DLC1: variants seen among roughly 807,000 people sequenced by gnomAD.
DLC1 encodes DLC1 Rho GTPase activating protein, also known as rho GTPase-activating protein 7.
Under a neutral mutation model 140.3 loss-of-function variants are expected in DLC1, and 54 were observed. The ratio of observed to expected loss-of-function variants is 0.38; its 90% CI spans 0.31 to 0.48. The LOEUF (loss-of-function observed/expected upper bound fraction) is 0.48. Ranked by LOEUF, DLC1 falls within the 20% of genes least tolerant of loss-of-function variation. The pLI is 0.96. For synonymous variants in DLC1, 986 were observed against 728.1 expected (o/e 1.35, Z -5.70); for missense variants, 2,536 against 1,907.0 (o/e 1.33, Z -6.14).
chr8:13,599,433 G>T (rs1033178160), intron 1 of DLC1, among the ~76,000 whole-genome samples: 1 of 151,920 alleles, frequency 6.6e-6, no homozygotes, highest in Middle Eastern at 3.2e-3. Flanking sequence ...AGGATGTTAG[G>T]ATGAAGTGGT....
chr8:13,515,665 C>T (rs1198131750), upstream of DLC1: 1 of 152,192 alleles, frequency 6.6e-6, no homozygotes, highest in Non-Finnish European at 1.5e-5. Context: ...ATCTGTTTAT[C>T]TTTTCTGCTT....
At chr8:13,141,185 G>A (rs1190247737) in intron 5 of DLC1, among the ~76,000 whole-genome samples, 1 of 147,338 alleles carries the variant, frequency 6.8e-6, no homozygotes, top group Non-Finnish European at 1.5e-5. Context: ...AATCTGGGAG[G>A]TGGAGTTTGC....
intron 5 of DLC1, among the ~76,000 whole-genome samples, chr8:13,184,698 G>C (rs1185927079): frequency 6.6e-6 from 1 of 152,168 alleles, no homozygotes; most frequent in African/African-American, 2.4e-5. Flanking sequence ...TACATTTGCT[G>C]AGGAGTGCTT....
intron 5 of DLC1, among the ~76,000 whole-genome samples, chr8:13,297,053 A>C (rs554049322): frequency 6.6e-6 from 1 of 151,966 alleles, no homozygotes; most frequent in South Asian, 2.1e-4. Flanking sequence ...GTATTTTAAA[A>C]ATCCTGTGAG....
chr8:13,361,135 G>T (rs1435204551), intron 4 of DLC1, among the ~76,000 whole-genome samples: 1 of 152,016 alleles, frequency 6.6e-6, no homozygotes, highest in East Asian at 1.9e-4. Context: ...AGGAGGTTGA[G>T]GTAGGAGGAT....
Position 13,500,009 on chromosome 8 carries a change from A to G in DLC1, c.63T>C (p.Pro21=), listed in dbSNP as rs541740684. The change falls in exon 2 of 18, where the codon CCT becomes CCC. Residue 21 remains proline, a synonymous_variant. Coordinates refer to ENST00000276297, the MANE Select transcript of DLC1 (RefSeq NM_182643.3). ...CTGTGTTACGATCATCAGAATTAAA[A>G]GGCTGTCCCATCCAGTGGGTCACAT... ...EEHVTHWMGQ[P]FNSDDRNTAC... is the part of the protein sequence containing the mutation. 1.2e-6 allele frequency: 2 copies of G among 1,614,134 alleles called. No individual in the cohort carries two copies. Among genetic ancestry groups the G allele is most frequent in the South Asian group, 2.2e-5 (2 of 91,088 alleles).
intron 2 of DLC1, among the ~76,000 whole-genome samples, chr8:13,444,738 A>G (rs1369222595): frequency 6.6e-6 from 1 of 152,238 alleles, no homozygotes; most frequent in Non-Finnish European, 1.5e-5. Flanking sequence ...AATAGAAGCA[A>G]ATATCATTCC....
At chr8:13,386,433 C>G (rs1157494171) in intron 4 of DLC1, among the ~76,000 whole-genome samples, 2 of 151,934 alleles carry the variant, frequency 1.3e-5, no homozygotes, top group African/African-American at 4.8e-5. Context: ...TATCAAGATA[C>G]AAGTTATTCT....
At chr8:13,595,297 CTG>C (rs1423435035) in intron 1 of DLC1, among the ~76,000 whole-genome samples, 1 of 151,904 alleles carries the variant, frequency 6.6e-6, no homozygotes, top group Middle Eastern at 3.2e-3. Flanking sequence ...ATTCTTCCCA[CTG>C]TGGTATTATA....
chr8:13,259,365 T>C (rs1347345383), intron 5 of DLC1, among the ~76,000 whole-genome samples: 1 of 151,304 alleles, frequency 6.6e-6, no homozygotes, highest in African/African-American at 2.5e-5. Flanking sequence ...TCACTTAAAA[T>C]TTTACACGAT....
intron 5 of DLC1, among the ~76,000 whole-genome samples, chr8:13,139,235 G>A (rs1425829535): frequency 1.1e-4 from 14 of 123,410 alleles, no homozygotes; most frequent in East Asian, 1.1e-3. Flanking sequence ...GCTGGATTAA[G>A]CTGAGAATGT....
At chr8:13,275,454 T>C (rs1424321648) in intron 5 of DLC1, among the ~76,000 whole-genome samples, 1 of 152,238 alleles carries the variant, frequency 6.6e-6, no homozygotes, top group Non-Finnish European at 1.5e-5. Context: ...CCCATCCATG[T>C]AGACGGCATA....
chr8:13,200,283 C>T (rs1286314205), intron 5 of DLC1, among the ~76,000 whole-genome samples: 2 of 151,704 alleles, frequency 1.3e-5, no homozygotes, highest in Admixed American at 6.6e-5. Context: ...AGGCTTGTCT[C>T]GAACTCCTGA....
At chr8:13,134,347 C>G (rs1822393049) in intron 5 of DLC1, among the ~76,000 whole-genome samples, 2 of 152,132 alleles carry the variant, frequency 1.3e-5, no homozygotes, top group Admixed American at 6.5e-5. Context: ...TACTATGTGC[C>G]AAACACAGCT....
At chr8:13,474,820 G>A (rs1179263900) in intron 2 of DLC1, among the ~76,000 whole-genome samples, 1 of 152,178 alleles carries the variant, frequency 6.6e-6, no homozygotes, top group Non-Finnish European at 1.5e-5. Flanking sequence ...ATTTGGAATG[G>A]CAGCATTTAC....
chr8:13,491,178 C>G (rs1267690330), intron 2 of DLC1, among the ~76,000 whole-genome samples: 1 of 151,040 alleles, frequency 6.6e-6, no homozygotes, highest in East Asian at 1.9e-4. Context: ...AATCTCCCAA[C>G]TTTATGTCAT....
At chr8:13,517,814 T>C (rs1449108387), upstream of DLC1, among the ~76,000 whole-genome samples, 1 of 152,246 alleles carries the variant, frequency 6.6e-6, no homozygotes, top group Non-Finnish European at 1.5e-5. Flanking sequence ...GTGAGTTACC[T>C]AACCGGGGTG....
At position 13,499,890 on chromosome 8, in the gene DLC1, A is replaced by C. The variant is rs774305707; in HGVS notation, c.182T>G (p.Leu61Arg). 1 of 1,614,008 alleles carries C rather than the reference A, an allele frequency of 6.2e-7. No individual in the cohort carries two copies. Among genetic ancestry groups the C allele is most frequent in the African/African-American group, 1.3e-5 (1 of 74,932 alleles). The change falls in exon 2 of 18, where the codon CTA (leucine) becomes CGA (arginine). Residue 61 changes from leucine (L) to arginine (R), a missense_variant. Coordinates refer to ENST00000276297, the MANE Select transcript of DLC1 (RefSeq NM_182643.3). Reference sequence around the variant, plus strand: ...CTCTGATCCATGACAGCAGTCAGGTAGTGAAACACACTTCTCTTTGCGGTC... The same window carrying C: ...CTCTGATCCATGACAGCAGTCAGGTCGTGAAACACACTTCTCTTTGCGGTC... ...NVDRKEKCVS[L>R]PDCCHGSELR...
chr8:13,343,341 G>T (rs544604380), intron 4 of DLC1, among the ~76,000 whole-genome samples: 1 of 152,224 alleles, frequency 6.6e-6, no homozygotes, highest in Admixed American at 6.5e-5. Flanking sequence ...CATGTACAGG[G>T]GCTGTCATTC....
Sources: allele counts gnomAD v4.1 joint callset (sites outside exome capture counted in the v4.1 genomes callset), GRCh38; gene constraint gnomAD v4.1.1; transcripts MANE v1.5; gene names NCBI Gene and HGNC (gene_info 2026-07-23, HGNC 2026-07-21).